ATP1B4: variants seen among roughly 807,000 people sequenced by gnomAD.
The protein encoded by ATP1B4 is protein ATP1B4.
A neutral mutation model predicts 29.6 loss-of-function variants in ATP1B4; 32 were observed. That is an observed-to-expected ratio of 1.08 (90% CI 0.82 to 1.45). ATP1B4 has a LOEUF of 1.45. Among genes scored for constraint, ATP1B4 ranks in the 40% most tolerant of loss-of-function variants. ATP1B4 has a pLI of 0.00. For missense variants in ATP1B4, 323 were observed against 276.2 expected (o/e 1.17, Z -1.20); for synonymous variants, 127 against 102.1 (o/e 1.24, Z -1.47).
At chrX:120,367,426 T>C (rs1293974133) in intron 2 of ATP1B4, among the ~76,000 whole-genome samples, 69 of 112,024 alleles carry the variant, frequency 6.2e-4, no homozygotes, top group South Asian at 1.1e-3. Flanking sequence ...GGCAGAATTA[T>C]ATTCCTTAGC....
At chrX:120,376,325 T>C in intron 5 of ATP1B4, 55 bp from the exon 6 acceptor site, 1 of 1,138,970 alleles carries the variant, frequency 8.8e-7, no homozygotes, top group East Asian at 3.0e-5. Context: ...CCCAATTTTT[T>C]ACTGTCAAAT....
chrX:120,370,581 C>G, intron 2 of ATP1B4, 134 bp from the exon 3 acceptor site: 2 of 782,911 alleles, frequency 2.6e-6, no homozygotes, highest in Non-Finnish European at 3.7e-6. Context: ...TCTGAATAAG[C>G]AAGGACATAC....
At chrX:120,372,058 C>T (rs752821477) in intron 4 of ATP1B4, among the ~76,000 whole-genome samples, 66 of 112,370 alleles carry the variant, frequency 5.9e-4, no homozygotes, top group African/African-American at 2.0e-3. Flanking sequence ...CAAGTATTTT[C>T]GAGGTGCCTA....
At chrX:120,373,748 C>G (rs767940676) in intron 4 of ATP1B4, among the ~76,000 whole-genome samples, 3 of 112,150 alleles carry the variant, frequency 2.7e-5, no homozygotes, top group Non-Finnish European at 5.6e-5. Context: ...TCCTGAATGT[C>G]TCAGGCCTCA....
Position 120,381,106 on chromosome X carries a change from T to A in ATP1B4, c.*1472T>A, listed in dbSNP as rs184798864. 1 of 112,546 alleles carries A rather than the reference T, an allele frequency of 8.9e-6. No homozygotes were observed. Among genetic ancestry groups the A allele is most frequent in the Admixed American group, 9.4e-5 (1 of 10,657 alleles). The allele number at this position is 112,546 out of a possible 1,213,427, so 9.3% of individuals were successfully genotyped here. On this transcript the variant is annotated 3_prime_UTR_variant, in exon 8 of 8. Coordinates refer to ENST00000218008, the MANE Select transcript of ATP1B4 (RefSeq NM_001142447.3). ...TAGTGAAGACAAGCAAGTGGAGAAG[T>A]TATACGATATAGTTTAATGAGAGTT...
chrX:120,375,026 TAC>T (rs775048550), intron 4 of ATP1B4, among the ~76,000 whole-genome samples: 10 of 106,464 alleles, frequency 9.4e-5, no homozygotes, highest in Non-Finnish European at 1.2e-4. Context: ...CTTCCAAGTT[TAC>T]AGTTTATCAT....
chrX:120,367,207 G>A (rs2058290588), intron 2 of ATP1B4, among the ~76,000 whole-genome samples: 1 of 111,923 alleles, frequency 8.9e-6, no homozygotes, highest in South Asian at 3.8e-4. Flanking sequence ...ATCAGAGTGA[G>A]GCCCCAATTA....
chrX:120,379,169 G>A (rs1347222088), intron 7 of ATP1B4, among the ~76,000 whole-genome samples: 1 of 111,360 alleles, frequency 9.0e-6, no homozygotes, highest in Non-Finnish European at 1.9e-5. Flanking sequence ...ACAGGGACTC[G>A]ATAGACACTA....
chrX:120,379,733 G>A lies in ATP1B4; in HGVS notation c.*99G>A. ...TTTTTCTTCAATTAGGACACAGCCA[G>A]ATGGACATCTAAGACAGCCGATCAT... On this transcript the variant is annotated 3_prime_UTR_variant, in exon 8 of 8. Transcript: ENST00000218008. 6.9e-6 allele frequency: 6 copies of A among 865,030 alleles called. No individual in the cohort carries two copies. The highest frequency in any genetic ancestry group is 9.6e-6 in the Non-Finnish European group (6 of 624,701). The allele number at this position is 865,030 out of a possible 1,213,427, so 71.3% of individuals were successfully genotyped here.
At chrX:120,366,222 C>T (rs2058284873) in intron 1 of ATP1B4, among the ~76,000 whole-genome samples, 1 of 111,480 alleles carries the variant, frequency 9.0e-6, no homozygotes, top group Non-Finnish European at 1.9e-5. Flanking sequence ...GAGGTCAAGG[C>T]CCCAGAACAG....
At chrX:120,371,954 C>A (rs2147252158) in intron 4 of ATP1B4, among the ~76,000 whole-genome samples, 1 of 112,624 alleles carries the variant, frequency 8.9e-6, no homozygotes, top group African/African-American at 3.2e-5. Context: ...AGGCATGAGC[C>A]ACCGCGCCCA....
intron 2 of ATP1B4, among the ~76,000 whole-genome samples, chrX:120,368,800 C>G (rs1273828409): frequency 2.7e-5 from 3 of 111,730 alleles, no homozygotes; most frequent in African/African-American, 9.8e-5. Context: ...TCTATTCAAG[C>G]CCGGGTGGGG....
At position 120,379,770 on chromosome X, in the gene ATP1B4, T is replaced by C; in HGVS notation, c.*136T>C. The C allele has an allele frequency of 1.6e-6, 1 of 634,560 alleles. No individual in the cohort carries two copies. The highest frequency in any genetic ancestry group is 2.3e-6 in the Non-Finnish European group (1 of 437,095). The allele number at this position is 634,560 out of a possible 1,213,427, so 52.3% of individuals were successfully genotyped here. A position where few individuals can be genotyped will look rare whatever the true frequency, so the allele number is the denominator to read the frequency against. ...AGACAGCCGATCATCTTTCCTTGCC[T>C]ATGACATGTGTATAAAATGACATTG... On this transcript the variant is annotated 3_prime_UTR_variant, in exon 8 of 8. Transcript: ENST00000218008.
intron 5 of ATP1B4, 113 bp from the exon 6 acceptor site, chrX:120,376,267 A>G (rs780143575): frequency 4.5e-6 from 3 of 663,106 alleles, no homozygotes; most frequent in Non-Finnish European, 6.9e-6. Context: ...GGCGAAATAG[A>G]TGAAGCATAT....
In ATP1B4 at chrX:120,379,448, G is replaced by A. The variant is rs186089581; in HGVS notation, c.913-25G>A. ...CCCTCCTACCACCTCCCCACACTTAGAATTCATTTTTCTTCTACCTGCAGG... is the reference window on the plus strand; with the variant it reads ...CCCTCCTACCACCTCCCCACACTTAAAATTCATTTTTCTTCTACCTGCAGG... On this transcript the variant is annotated intron_variant, in intron 7 of 7. Coordinates refer to ENST00000218008, the MANE Select transcript of ATP1B4 (RefSeq NM_001142447.3). 1.3e-5 allele frequency: 15 copies of A among 1,188,226 alleles called. No individual in the cohort carries two copies. In the Admixed American group the frequency reaches 3.0e-4, roughly 24 times the overall value.
At chrX:120,378,628 T>C in intron 6 of ATP1B4, 50 bp from the exon 7 acceptor site, 2 of 1,046,371 alleles carry the variant, frequency 1.9e-6, no homozygotes, top group Non-Finnish European at 2.7e-6. Context: ...GCTCAGACTC[T>C]AGCCCACTCT....
chrX:120,379,535 G>A lies in ATP1B4; in HGVS notation c.975G>A (p.Val325=), dbSNP rs751526667. 1 of 1,211,135 alleles carries A rather than the reference G, an allele frequency of 8.3e-7. No individual in the cohort carries two copies. The highest frequency in any genetic ancestry group is 1.1e-6 in the Non-Finnish European group (1 of 895,007). The change falls in exon 8 of 8, where the codon GTG becomes GTA. Residue 325 remains valine, a synonymous_variant. Coordinates refer to ENST00000218008, the MANE Select transcript of ATP1B4 (RefSeq NM_001142447.3). ...CAGACGTGGTGAAGAACCAAGCAGTGCCTGTGCAGTGCCAACTGAAGGGCA... is the reference window on the plus strand; with the variant it reads ...CAGACGTGGTGAAGAACCAAGCAGTACCTGTGCAGTGCCAACTGAAGGGCA... ...HFTDVVKNQA[V]PVQCQLKGKG...
At chrX:120,369,255 G>T (rs754515403) in intron 2 of ATP1B4, among the ~76,000 whole-genome samples, 1 of 112,275 alleles carries the variant, frequency 8.9e-6, no homozygotes, top group South Asian at 3.7e-4. Flanking sequence ...CAACAGCCAA[G>T]TATCACAGGC....
chrX:120,370,502 G>A (rs952141931), intron 2 of ATP1B4, among the ~76,000 whole-genome samples: 14 of 111,889 alleles, frequency 1.3e-4, no homozygotes, highest in African/African-American at 4.2e-4. Flanking sequence ...CCCTTCCATC[G>A]GAGATGCTGT....
Sources: gnomAD v4.1 joint callset for allele counts (sites outside exome capture counted in the v4.1 genomes callset) on GRCh38, gnomAD v4.1.1 for gene constraint, MANE v1.5 for transcripts, NCBI Gene and HGNC (gene_info 2026-07-23, HGNC 2026-07-21) for gene names.